Variants in DNAJC24 observed in about 807,000 individuals in gnomAD.
DNAJC24 encodes the protein dnaJ homolog subfamily C member 24.
In DNAJC24, 17 loss-of-function variants were observed where a neutral mutation model predicts 18.0. The observed-to-expected ratio is 0.94, with a 90% CI of 0.65 to 1.42. The LOEUF is 1.42. Among genes scored for constraint, DNAJC24 ranks in the 40% most tolerant of loss-of-function variants. DNAJC24 has a pLI of 0.00. For missense variants in DNAJC24, 158 were observed against 175.6 expected (o/e 0.90, Z 0.57); for synonymous variants, 55 against 57.7 (o/e 0.95, Z 0.21).
intron 3 of DNAJC24, among the ~76,000 whole-genome samples, chr11:31,421,395 T>A (rs1027676960): frequency 3.3e-5 from 5 of 152,206 alleles, no homozygotes; most frequent in Non-Finnish European, 7.3e-5. Flanking sequence ...TTTAAACATT[T>A]GAAATGACAT....
chr11:31,385,931 G>A (rs545883719), intron 2 of DNAJC24, among the ~76,000 whole-genome samples: 10 of 152,230 alleles, frequency 6.6e-5, no homozygotes, highest in South Asian at 2.1e-4. Flanking sequence ...AAGAGAATCC[G>A]TGTGCTTGGG....
chr11:31,370,317 C>T (rs994131425), intron 1 of DNAJC24, among the ~76,000 whole-genome samples: 1 of 151,282 alleles, frequency 6.6e-6, no homozygotes, highest in African/African-American at 2.4e-5. Context: ...TTCTGTTTTG[C>T]TTTTTTTTTA....
intron 2 of DNAJC24, among the ~76,000 whole-genome samples, chr11:31,392,505 T>C (rs529962546): frequency 6.6e-6 from 1 of 152,210 alleles, no homozygotes; most frequent in African/African-American, 2.4e-5. Context: ...ATCAAGGTAA[T>C]ATTAAATAAA....
intron 2 of DNAJC24, chr11:31,374,135 G>A (rs1373195622): frequency 5.1e-6 from 2 of 392,834 alleles, no homozygotes; most frequent in East Asian, 7.0e-5. Context: ...AAAATGTTCA[G>A]TTGAAGTGTT....
At chr11:31,389,508 A>G (rs1952466824) in intron 2 of DNAJC24, among the ~76,000 whole-genome samples, 1 of 152,232 alleles carries the variant, frequency 6.6e-6, no homozygotes. Flanking sequence ...CCAGATATAT[A>G]AAGCAAACAT....
chr11:31,426,582 T>C (rs1952864070), intron 4 of DNAJC24: 1 of 385,018 alleles, frequency 2.6e-6, no homozygotes, highest in Admixed American at 4.4e-5. Context: ...ATATTCTAAT[T>C]AGATGTTAGG....
chr11:31,414,292 C>A (rs1015192740), intron 2 of DNAJC24, among the ~76,000 whole-genome samples: 1 of 152,080 alleles, frequency 6.6e-6, no homozygotes, highest in South Asian at 2.1e-4. Flanking sequence ...TTATAATCTT[C>A]AGGGCTGGGG....
intron 2 of DNAJC24, among the ~76,000 whole-genome samples, chr11:31,376,872 T>C (rs570569672): frequency 6.6e-6 from 1 of 152,188 alleles, no homozygotes; most frequent in African/African-American, 2.4e-5. Flanking sequence ...TTATGGCTTA[T>C]GAAGTGAAAT....
chr11:31,408,139 T>A (rs1343836085), intron 2 of DNAJC24: 2 of 456,246 alleles, frequency 4.4e-6, no homozygotes, highest in Non-Finnish European at 8.8e-6. Context: ...CTCTTTTTGG[T>A]GTACATACTT....
At chr11:31,406,460 G>T (rs1386156818) in intron 2 of DNAJC24, among the ~76,000 whole-genome samples, 1 of 152,210 alleles carries the variant, frequency 6.6e-6, no homozygotes, top group Non-Finnish European at 1.5e-5. Flanking sequence ...AAGAGGCACT[G>T]TGCTGATCTT....
chr11:31,390,705 T>TA (rs34050503), intron 2 of DNAJC24, among the ~76,000 whole-genome samples: 2,029 of 114,038 alleles, frequency 0.018, 24 homozygotes, highest in Non-Finnish European at 0.027. Flanking sequence ...GATTCCATCT[T>TA]AAAAAAAAAA....
At chr11:31,377,964 T>G (rs888835752) in intron 2 of DNAJC24, among the ~76,000 whole-genome samples, 3 of 152,156 alleles carry the variant, frequency 2.0e-5, no homozygotes, top group Admixed American at 6.5e-5. Flanking sequence ...TCAGAGGGTC[T>G]CATTTGATTA....
chr11:31,388,781 A>G (rs1418479831), intron 2 of DNAJC24, among the ~76,000 whole-genome samples: 2 of 152,214 alleles, frequency 1.3e-5, no homozygotes, highest in Non-Finnish European at 2.9e-5. Flanking sequence ...TGATGAACCT[A>G]TAAAAAGTAA....
In DNAJC24 at chr11:31,383,235, T is replaced by C. The variant is rs532190568; in HGVS notation, c.111+12376T>C. ...TGATCTGCTCAACCATCAACCCCTC[T>C]CCACTTCCTGGAGGTTGAGGGCTGG... On this transcript the variant is annotated intron_variant, in intron 2 of 4. Transcript: ENST00000465995. 7.2e-4 allele frequency among the ~76,000 whole-genome samples: 110 copies of C among 151,952 alleles called. 1 individual carries two copies. The highest frequency in any genetic ancestry group is 2.5e-3 in the African/African-American group (103 of 41,428).
At position 31,424,525 on chromosome 11, in the gene DNAJC24, CTAT is replaced by C. The variant is rs1348221399; in HGVS notation, c.251-1760_251-1758del. Among the ~76,000 whole-genome samples the C allele has an allele frequency of 7.9e-5, 12 of 152,182 alleles. No homozygotes were observed. The East Asian group carries it at 2.1e-3, about 27-fold the overall frequency. ...TAGGAGTATCTGAAGAGCATATAGC[CTAT>C]TGTACTTTACATAGAATGTGGAAAT... On this transcript the variant is annotated intron_variant, in intron 3 of 4. Transcript: ENST00000465995.
intron 2 of DNAJC24, among the ~76,000 whole-genome samples, chr11:31,392,089 C>T (rs1952502012): frequency 6.6e-6 from 1 of 151,962 alleles, no homozygotes; most frequent in Admixed American, 6.6e-5. Flanking sequence ...TAATGGTTAC[C>T]AGAGGCTGGA....
intron 2 of DNAJC24, among the ~76,000 whole-genome samples, chr11:31,394,592 TAAAAA>T (rs1178025244): frequency 6.6e-6 from 1 of 151,442 alleles, no homozygotes; most frequent in Non-Finnish European, 1.5e-5. Context: ...ACTCTGAAGT[TAAAAA>T]AAAGTTTCTA....
intron 3 of DNAJC24, chr11:31,416,894 T>C (rs1952755674): frequency 6.6e-6 from 1 of 152,160 alleles, no homozygotes; most frequent in Non-Finnish European, 1.5e-5. Flanking sequence ...TCTTTTGAGC[T>C]TTGAGTCCTA....
At position 31,418,775 on chromosome 11, in the gene DNAJC24, A is replaced by T. The variant is rs371492670; in HGVS notation, c.250+3826A>T. 6.6e-5 allele frequency among the ~76,000 whole-genome samples: 10 copies of T among 152,214 alleles called. No homozygotes were observed. The East Asian group carries it at 1.4e-3, about 21-fold the overall frequency. ...AGTGTGCCTTTGCTCAAAGCTAATC[A>T]GCTACTCTGCTTAGGTAGATACAAG... On this transcript the variant is annotated intron_variant, in intron 3 of 4. Coordinates refer to ENST00000465995, the MANE Select transcript of DNAJC24 (RefSeq NM_181706.5).
Sources: gnomAD v4.1 joint callset for allele counts (sites outside exome capture counted in the v4.1 genomes callset) on GRCh38, gnomAD v4.1.1 for gene constraint, MANE v1.5 for transcripts, NCBI Gene and HGNC (gene_info 2026-07-23, HGNC 2026-07-21) for gene names.